ANK2: variants seen among roughly 807,000 people sequenced by gnomAD.
ANK2 encodes the protein ankyrin 2, also known as ankyrin-2.
In ANK2, 83 loss-of-function variants were observed where a neutral mutation model predicts 360.5. The observed-to-expected ratio is 0.23, with a 90% CI of 0.19 to 0.28. The LOEUF is 0.28. ANK2 is among the 10% of genes least tolerant of loss of function. ANK2 has a pLI of 1.00. For synonymous variants in ANK2, 1,740 were observed against 1,759.5 expected, an observed-to-expected ratio of 0.99 and a Z score of 0.28; for missense variants, 4,201 against 4,795.7, an observed-to-expected ratio of 0.88 and a Z score of 3.66.
intron 2 of ANK2, among the ~76,000 whole-genome samples, chr4:113,187,552 C>T (rs1190433660): frequency 2.0e-5 from 3 of 152,110 alleles, no homozygotes; most frequent in Non-Finnish European, 4.4e-5. Context: ...GAAAGCAAGT[C>T]CCGCAAACTG....
rs2092547289 is a variant in ANK2 at position 113,331,924 on chromosome 4, G to A, written c.3126-48G>A. 1.9e-6 allele frequency: 3 copies of A among 1,538,630 alleles called. No individual in the cohort carries two copies. The East Asian group carries it at 6.7e-5, about 35-fold the overall frequency. On this transcript the variant is annotated intron_variant, in intron 27 of 45. Transcript: ENST00000357077. ...TGGGGTTCTGTGGAAGACAATACCT[G>A]AAGCTTACCTATGTTCTTTCTTTCA...
At chr4:112,970,023 G>A (rs963681273) in intron 2 of ANK2, among the ~76,000 whole-genome samples, 9 of 151,486 alleles carry the variant, frequency 5.9e-5, no homozygotes, top group South Asian at 4.2e-4. Flanking sequence ...TCACTCTGTC[G>A]TCCAGGCTGG....
At chr4:113,205,712 A>G (rs1284897212) in intron 4 of ANK2, among the ~76,000 whole-genome samples, 1 of 152,186 alleles carries the variant, frequency 6.6e-6, no homozygotes, top group African/African-American at 2.4e-5. Context: ...ATGCAATGAT[A>G]AATGTCTTTT....
At chr4:113,332,639 G>A (rs1210009893) in intron 28 of ANK2, among the ~76,000 whole-genome samples, 2 of 152,132 alleles carry the variant, frequency 1.3e-5, no homozygotes, top group African/African-American at 4.8e-5. Flanking sequence ...CCTCATTTAC[G>A]ACACATCAAA....
At chr4:112,829,505 A>AAAAAAAAAAAAAAAAAAAAAAAC in intron 1 of ANK2, among the ~76,000 whole-genome samples, 1 of 144,444 alleles carries the variant, frequency 6.9e-6, no homozygotes, top group Non-Finnish European at 1.5e-5. Flanking sequence ...AAAAAAAAAA[A>AAAAAAAAAAAAAAAAAAAAAAAC]AAAAAGGAAG....
intron 2 of ANK2, among the ~76,000 whole-genome samples, chr4:113,014,131 G>T (rs894842893): frequency 1.3e-5 from 2 of 152,034 alleles, no homozygotes; most frequent in African/African-American, 4.8e-5. Context: ...CCTGTCTGTT[G>T]CATGTTATTT....
intron 4 of ANK2, among the ~76,000 whole-genome samples, chr4:113,199,484 C>T (rs1013114208): frequency 2.6e-5 from 4 of 152,104 alleles, no homozygotes; most frequent in African/African-American, 9.7e-5. Flanking sequence ...GAAAGATTTA[C>T]ATTCCAGTGG....
In ANK2 at chr4:113,276,282, G is replaced by T. The variant is rs189309320; in HGVS notation, c.1684-1555G>T. 2.4e-3 allele frequency among the ~76,000 whole-genome samples: 364 copies of T among 152,140 alleles called. 3 individuals are homozygous for T. Among genetic ancestry groups the T allele is most frequent in the African/African-American group, 8.1e-3 (338 of 41,490 alleles). On this transcript the variant is annotated intron_variant, in intron 15 of 45. Coordinates refer to ENST00000357077, the MANE Select transcript of ANK2 (RefSeq NM_001148.6). ...GTTCAGCTGACTAGGGCTGAACAGT[G>T]GTTGATTCATCATTATTAAAGACAT... is the stretch of plus-strand genomic sequence containing the variant.
At chr4:113,367,935 T>C (rs1464166776) in intron 42 of ANK2, 84 bp downstream of exon 42, 3 of 1,521,292 alleles carry the variant, frequency 2.0e-6, no homozygotes, top group East Asian at 2.3e-5. Context: ...GCATAACTAG[T>C]TTTTAAATAC....
chr4:113,318,748 T>G (rs1482555172), intron 26 of ANK2, 128 bp downstream of exon 26: 5 of 756,492 alleles, frequency 6.6e-6, no homozygotes, highest in Non-Finnish European at 9.2e-6. Context: ...TTTAAACTTG[T>G]AAATAACATT....
At chr4:112,986,084 A>G (rs1578381391) in intron 2 of ANK2, among the ~76,000 whole-genome samples, 1 of 93,434 alleles carries the variant, frequency 1.1e-5, no homozygotes, top group South Asian at 4.7e-4. Flanking sequence ...ATATATATAT[A>G]TAATCCAATA....
intron 11 of ANK2, among the ~76,000 whole-genome samples, chr4:113,256,827 C>T (rs930134879): frequency 3.3e-5 from 5 of 152,030 alleles, no homozygotes; most frequent in African/African-American, 7.3e-5. Flanking sequence ...TTGATAATTA[C>T]GTGGGAAGTG....
intron 2 of ANK2, among the ~76,000 whole-genome samples, chr4:112,997,882 C>T (rs201871024): frequency 6.7e-6 from 1 of 150,132 alleles, no homozygotes; most frequent in African/African-American, 2.5e-5. Context: ...CACACACATA[C>T]ACATACATTA....
chr4:112,826,826 A>G (rs2058511317), intron 1 of ANK2: 1 of 1,267,140 alleles, frequency 7.9e-7, no homozygotes, highest in Non-Finnish European at 1.1e-6. Context: ...AAAATAAAGT[A>G]AAAGAGAATG....
intron 1 of ANK2, among the ~76,000 whole-genome samples, chr4:113,092,069 A>G (rs1049193677): frequency 6.6e-6 from 1 of 151,472 alleles, no homozygotes; most frequent in Non-Finnish European, 1.5e-5. Flanking sequence ...ATAAAACAAA[A>G]TCATATATTT....
intron 1 of ANK2, among the ~76,000 whole-genome samples, chr4:112,902,688 A>G (rs2083829826): frequency 6.6e-6 from 1 of 152,192 alleles, no homozygotes; most frequent in African/African-American, 2.4e-5. Context: ...ATTTTTTTCA[A>G]AGAAGTATTA....
intron 1 of ANK2, among the ~76,000 whole-genome samples, chr4:112,870,500 G>A (rs779487943): frequency 5.9e-5 from 9 of 151,990 alleles, no homozygotes; most frequent in Non-Finnish European, 1.0e-4. Context: ...ATGAGGGAGG[G>A]ATCCAAATTC....
Position 113,336,770 on chromosome 4 carries a change from G to A in ANK2, c.3785G>A (p.Cys1262Tyr), listed in dbSNP as rs972051732. 11 of 1,613,946 alleles carry A rather than the reference G, an allele frequency of 6.8e-6. No individual in the cohort carries two copies. The highest frequency in any genetic ancestry group is 2.5e-6 in the Non-Finnish European group (3 of 1,179,958). Residue 1262 changes from cysteine to tyrosine, a missense_variant, in exon 31 of 46, where the codon TGC becomes TAC. Physicochemically the swap from Cys to Tyr is radical, Grantham distance 194 (BLOSUM62 -2). Around this residue, in one of 4 missense-constraint regions of ANK2, gnomAD observed 1,268 missense variants for 1,650.8 expected, o/e 0.77. Transcript: ENST00000357077. The part of the protein sequence containing the change: ...GGDAPTLRLL[C>Y]SITGGTTPAQ... ...GATGCACCAACCTTAAGATTACTAT[G>A]CAGCATAACAGGTGAGTCACATATG...
intron 4 of ANK2, among the ~76,000 whole-genome samples, chr4:113,218,751 GTCAT>G (rs1225438853): frequency 2.0e-5 from 3 of 152,114 alleles, no homozygotes; most frequent in Admixed American, 6.5e-5. Context: ...CTATTTGGTA[GTCAT>G]TCATTTAAAT....
Sources: gnomAD v4.1 joint callset for allele counts (sites outside exome capture counted in the v4.1 genomes callset) on GRCh38, gnomAD v4.1.1 for gene constraint, gnomAD v4.1.1 regional missense constraint, MANE v1.5 for transcripts, NCBI Gene and HGNC (gene_info 2026-07-23, HGNC 2026-07-21) for gene names.